SNTB2: variants seen among roughly 807,000 people sequenced by gnomAD.
SNTB2 encodes beta-2-syntrophin.
A neutral mutation model predicts 46.2 loss-of-function variants in SNTB2; 34 were observed. That is an observed-to-expected ratio of 0.74 (90% CI 0.56 to 0.98). The LOEUF is 0.98. Among genes scored for constraint, SNTB2 ranks in the 50% least tolerant of loss-of-function variants. SNTB2 has a pLI of 0.00. For synonymous variants in SNTB2, 290 were observed against 312.6 expected (o/e 0.93, Z 0.76); for missense variants, 603 against 731.4 (o/e 0.82, Z 2.02).
At chr16:69,255,044 T>C (rs1964760393) in intron 2 of SNTB2, among the ~76,000 whole-genome samples, 1 of 152,156 alleles carries the variant, frequency 6.6e-6, no homozygotes. Flanking sequence ...TTTCTGTCTT[T>C]ATTGTAATTC....
chr16:69,276,378 G>C (rs1433767552), intron 4 of SNTB2, among the ~76,000 whole-genome samples: 1 of 152,226 alleles, frequency 6.6e-6, no homozygotes, highest in Non-Finnish European at 1.5e-5. Flanking sequence ...CGAGAGTCCA[G>C]CATCTGGTTT....
At chr16:69,283,406 G>A (rs1965069521) in intron 4 of SNTB2, among the ~76,000 whole-genome samples, 1 of 152,110 alleles carries the variant, frequency 6.6e-6, no homozygotes, top group African/African-American at 2.4e-5. Flanking sequence ...AAATGCAAAA[G>A]CAGCATGAAT....
intron 5 of SNTB2, 137 bp from the exon 6 acceptor site, chr16:69,299,453 T>C (rs963065914): frequency 5.4e-5 from 46 of 857,460 alleles, no homozygotes; most frequent in Admixed American, 1.9e-4. Context: ...AAACACACTT[T>C]AGAAGTTTCC....
At chr16:69,258,166 A>G (rs1055182005) in intron 2 of SNTB2, among the ~76,000 whole-genome samples, 2 of 152,234 alleles carry the variant, frequency 1.3e-5, no homozygotes, top group African/African-American at 4.8e-5. Context: ...TCTTCAGAAA[A>G]TAATGTAAAG....
chr16:69,283,483 A>G (rs1423294193), intron 4 of SNTB2, among the ~76,000 whole-genome samples: 1 of 152,182 alleles, frequency 6.6e-6, no homozygotes, highest in Non-Finnish European at 1.5e-5. Context: ...CAGATGAGAT[A>G]TTCACTGCCT....
chr16:69,242,402 G>A (rs1964626231), intron 1 of SNTB2, among the ~76,000 whole-genome samples: 1 of 152,120 alleles, frequency 6.6e-6, no homozygotes, highest in Admixed American at 6.6e-5. Flanking sequence ...CAACCTGAGG[G>A]ACAGAGTGAG....
intron 2 of SNTB2, among the ~76,000 whole-genome samples, chr16:69,259,651 T>A (rs759140438): frequency 1.6e-4 from 24 of 149,634 alleles, no homozygotes; most frequent in Non-Finnish European, 3.3e-4. Flanking sequence ...TCGCCCAGGC[T>A]GGAGTACAGT....
rs1452317662 is a variant in SNTB2, at chr16:69,300,959, C to T, written c.*35C>T. ...AATCAGAAAAGAGCCTTGACTGTCA[C>T]AAGAAATATTTCCACCTCAAAAAAA... On this transcript the variant is annotated 3_prime_UTR_variant, in exon 7 of 7. Coordinates refer to ENST00000336278, the MANE Select transcript of SNTB2 (RefSeq NM_006750.4). 1.6e-6 allele frequency: 2 copies of T among 1,242,774 alleles called. No homozygotes were observed. Among genetic ancestry groups the T allele is most frequent in the South Asian group, 2.5e-5 (2 of 80,182 alleles). The allele number at this position is 1,242,774 out of a possible 1,614,324, so 77.0% of individuals were successfully genotyped here.
chr16:69,199,045 C>T (rs886801299), intron 1 of SNTB2, among the ~76,000 whole-genome samples: 7 of 151,900 alleles, frequency 4.6e-5, no homozygotes, highest in Middle Eastern at 3.4e-3. Context: ...TACAGGCGCA[C>T]GCCACCATGT....
intron 1 of SNTB2, among the ~76,000 whole-genome samples, chr16:69,224,234 C>T (rs145656773): frequency 1.8e-5 from 2 of 109,110 alleles, no homozygotes; most frequent in East Asian, 2.6e-4. Flanking sequence ...TTTTTTGAGA[C>T]GGAGTCTTGC....
intron 1 of SNTB2, among the ~76,000 whole-genome samples, chr16:69,200,396 C>A (rs751422099): frequency 6.6e-6 from 1 of 152,226 alleles, no homozygotes; most frequent in Non-Finnish European, 1.5e-5. Context: ...ACTGTACCAT[C>A]CTTCCACTAG....
intron 1 of SNTB2, among the ~76,000 whole-genome samples, chr16:69,234,951 C>T (rs1178720405): frequency 6.6e-6 from 1 of 152,158 alleles, no homozygotes; most frequent in Non-Finnish European, 1.5e-5. Flanking sequence ...GATCCACCCG[C>T]TCTGGCCTCC....
chr16:69,281,235 T>G (rs897032589), intron 4 of SNTB2, among the ~76,000 whole-genome samples: 2 of 141,606 alleles, frequency 1.4e-5, no homozygotes, highest in Non-Finnish European at 3.0e-5. Context: ...TGTTATAGAT[T>G]TTTTTTTTTT....
At chr16:69,250,376 T>C (rs1964714664) in intron 2 of SNTB2, among the ~76,000 whole-genome samples, 3 of 152,238 alleles carry the variant, frequency 2.0e-5, no homozygotes, top group African/African-American at 7.2e-5. Flanking sequence ...GGCTTCGTAA[T>C]GTTGGTCAAG....
chr16:69,266,162 C>A (rs181036642), intron 3 of SNTB2, among the ~76,000 whole-genome samples: 21 of 151,956 alleles, frequency 1.4e-4, no homozygotes, highest in Non-Finnish European at 2.9e-4. Flanking sequence ...GTCAGGAGTT[C>A]GAGACCAGCC....
In SNTB2 at chr16:69,272,135, T is replaced by C. The variant is rs181520824; in HGVS notation, c.1148+1850T>C. ...ATAGATAAATTGGACTTTCAGAAAC[T>C]TAAAAGCTCTTGTGCTTCAAATGTC... On this transcript the variant is annotated intron_variant, in intron 4 of 6. Coordinates refer to ENST00000336278, the MANE Select transcript of SNTB2 (RefSeq NM_006750.4). 2.0e-4 allele frequency among the ~76,000 whole-genome samples: 31 copies of C among 152,268 alleles called. 1 individual carries two copies. The highest frequency in any genetic ancestry group is 2.0e-3 in the Admixed American group (30 of 15,292).
At chr16:69,206,911 G>T (rs1413578457) in intron 1 of SNTB2, among the ~76,000 whole-genome samples, 2 of 150,394 alleles carry the variant, frequency 1.3e-5, no homozygotes, top group African/African-American at 4.9e-5. Flanking sequence ...GACTACAGGC[G>T]CCTGCCACCA....
At position 69,305,472 on chromosome 16, in the gene SNTB2, G is replaced by A. The variant is rs535381285; in HGVS notation, c.*4548G>A. On this transcript the variant is annotated 3_prime_UTR_variant, in exon 7 of 7. Coordinates refer to ENST00000336278, the MANE Select transcript of SNTB2 (RefSeq NM_006750.4). ...CGGCTGTTGATGCCATGAATGAAAT[G>A]GCTGGTTAGAAAGCCAAAGGTCTTC... is the stretch of plus-strand genomic sequence containing the variant. 1 of 152,314 alleles carries A rather than the reference G, an allele frequency of 6.6e-6. No individual in the cohort carries two copies. The highest frequency in any genetic ancestry group is 2.1e-4 in the South Asian group (1 of 4,828). The allele number at this position is 152,314 out of a possible 1,614,324, so 9.4% of individuals were successfully genotyped here. A position where few individuals can be genotyped will look rare whatever the true frequency, so the allele number is the denominator to read the frequency against.
At chr16:69,192,730 T>G (rs1459286453) in intron 1 of SNTB2, among the ~76,000 whole-genome samples, 8 of 152,338 alleles carry the variant, frequency 5.3e-5, no homozygotes, top group East Asian at 3.9e-4. Context: ...CACTGATTCC[T>G]TAATAAAATT....
Sources: allele counts gnomAD v4.1 joint callset (sites outside exome capture counted in the v4.1 genomes callset), GRCh38; gene constraint gnomAD v4.1.1; transcripts MANE v1.5; gene names NCBI Gene and HGNC (gene_info 2026-07-23, HGNC 2026-07-21).